USO1: variants seen among roughly 807,000 people sequenced by gnomAD.
USO1 encodes general vesicular transport factor p115.
In USO1, 57 loss-of-function variants were observed where a neutral mutation model predicts 124.5. The observed-to-expected ratio is 0.46, with a 90% CI of 0.37 to 0.57. The LOEUF is 0.57. Ranked by LOEUF, USO1 falls within the 20% of genes least tolerant of loss-of-function variation. The pLI is 0.00. For missense variants in USO1, 900 were observed against 1,040.6 expected (o/e 0.86, Z 1.86); for synonymous variants, 369 against 362.8 (o/e 1.02, Z -0.19).
In USO1 at chr4:75,773,389, C is replaced by T. The variant is rs149585032; in HGVS notation, c.556-1287C>T. Among the ~76,000 whole-genome samples, 581 of 151,978 alleles carry T rather than the reference C, an allele frequency of 3.8e-3. 5 individuals carry two copies. The highest frequency in any genetic ancestry group is 0.014 in the East Asian group (70 of 5,154). Reference sequence around the variant, plus strand: ...CTAAAATATACTAAGACCTTGAAAGCTAGTGGGTTCTATAGAACTTATTTT... The same window carrying T: ...CTAAAATATACTAAGACCTTGAAAGTTAGTGGGTTCTATAGAACTTATTTT... On this transcript the variant is annotated intron_variant, in intron 7 of 23. Transcript: ENST00000514213.
At position 75,810,567 on chromosome 4, in the gene USO1, C is replaced by T. The variant is rs760974526; in HGVS notation, c.2583+28C>T. ...TTGTTTTTGGTGCAACTTTTATTTA[C>T]TGCATATGATATGAAATGAACTCTA... On this transcript the variant is annotated intron_variant, in intron 22 of 23. Coordinates refer to ENST00000514213, the MANE Select transcript of USO1 (RefSeq NM_003715.4). The T allele has an allele frequency of 7.6e-6, 12 of 1,576,936 alleles. No homozygotes were observed. In the Admixed American group the frequency reaches 9.7e-5, roughly 13 times the overall value.
rs140484715 is a variant in USO1 at position 75,742,478 on chromosome 4, G to T, written c.67-9895G>T. On this transcript the variant is annotated intron_variant, in intron 1 of 23. Transcript: ENST00000514213. ...TTGGAGATTTGTTTCAAACAAATAG[G>T]CTGAGGCATTTGTTTCTTGTTAACA... Among the ~76,000 whole-genome samples the T allele has an allele frequency of 4.9e-4, 75 of 152,192 alleles. 2 individuals are homozygous for T. The East Asian group carries it at 0.011, about 22-fold the overall frequency.
intron 20 of USO1, among the ~76,000 whole-genome samples, chr4:75,808,704 T>C (rs1723059532): frequency 6.6e-6 from 1 of 151,336 alleles, no homozygotes; most frequent in Non-Finnish European, 1.5e-5. Context: ...CCTTCCTTTC[T>C]TTCTTCCTTC....
At chr4:75,780,838 G>C (rs1157157972) in intron 8 of USO1, among the ~76,000 whole-genome samples, 1 of 150,418 alleles carries the variant, frequency 6.6e-6, no homozygotes, top group Non-Finnish European at 1.5e-5. Flanking sequence ...TTAGAGACAG[G>C]GTTTCACCAT....
chr4:75,735,704 A>G (rs934133500), intron 1 of USO1, among the ~76,000 whole-genome samples: 5 of 152,030 alleles, frequency 3.3e-5, no homozygotes, highest in South Asian at 2.1e-4. Flanking sequence ...ATTTTCTTGT[A>G]GAGACAGGGT....
In USO1 at chr4:75,800,813, T is replaced by C; in HGVS notation, c.1864+14T>C. On this transcript the variant is annotated intron_variant, in intron 16 of 23. Coordinates refer to ENST00000514213, the MANE Select transcript of USO1 (RefSeq NM_003715.4). ...AAGAACTTGAAGGTAAGACTGAAGA[T>C]TTATATTGATATTTGATGGAAAGTA... 1 of 1,607,600 alleles carries C rather than the reference T, an allele frequency of 6.2e-7. No homozygotes were observed. Among genetic ancestry groups the C allele is most frequent in the African/African-American group, 1.3e-5 (1 of 74,770 alleles).
Position 75,796,341 on chromosome 4 carries a change from C to CTTTTTTTTT in USO1, c.1452+2444_1452+2452dup, listed in dbSNP as rs533041107. ...TAATCCCAGAAAGTTCCATCATGCT[C>CTTTTTTTTT]TTTTTTTTTTTTGAGACGGAGTCTC... On this transcript the variant is annotated intron_variant, in intron 13 of 23. Coordinates refer to ENST00000514213, the MANE Select transcript of USO1 (RefSeq NM_003715.4). 1.1e-3 allele frequency among the ~76,000 whole-genome samples: 117 copies of CTTTTTTTTT among 102,082 alleles called. 2 individuals are homozygous for CTTTTTTTTT. The highest frequency in any genetic ancestry group is 3.4e-3 in the African/African-American group (113 of 32,758). The allele number at this position is 102,082 out of a possible 152,430, so 67.0% of individuals were successfully genotyped here.
chr4:75,760,063 T>G (rs1721559996), intron 4 of USO1, among the ~76,000 whole-genome samples: 1 of 151,886 alleles, frequency 6.6e-6, no homozygotes, highest in Non-Finnish European at 1.5e-5. Flanking sequence ...AATACCAAAA[T>G]TAGCCGGGCG....
Position 75,731,728 on chromosome 4 carries a change from A to C in USO1, c.66+6843A>C, listed in dbSNP as rs191525296. Among the ~76,000 whole-genome samples the C allele has an allele frequency of 2.6e-5, 4 of 152,336 alleles. No homozygotes were observed. The East Asian group carries it at 7.7e-4, about 29-fold the overall frequency. The stretch of plus-strand genomic sequence containing the variant: ...AAATTTCAAGGTAAGATTATATCAT[A>C]AAATTAAATCAATATTAGGTGCTTG... On this transcript the variant is annotated intron_variant, in intron 1 of 23. Transcript: ENST00000514213.
chr4:75,763,469 A>T (rs1721679772), intron 4 of USO1, among the ~76,000 whole-genome samples: 1 of 152,164 alleles, frequency 6.6e-6, no homozygotes, highest in African/African-American at 2.4e-5. Context: ...TTCTGGGCAC[A>T]TTTAAAGTAG....
At chr4:75,777,569 G>A (rs1722106331) in intron 8 of USO1, among the ~76,000 whole-genome samples, 1 of 152,080 alleles carries the variant, frequency 6.6e-6, no homozygotes, top group African/African-American at 2.4e-5. Context: ...ATATACAGAT[G>A]GCAAATGACC....
chr4:75,812,014 A>T, intron 22 of USO1, 146 bp from the exon 23 acceptor site: 2 of 1,202,436 alleles, frequency 1.7e-6, no homozygotes, highest in Non-Finnish European at 2.3e-6. Context: ...TGTGTGTGTT[A>T]AACCTCCTGT....
At chr4:75,811,906 G>T (rs1194574957) in intron 22 of USO1, among the ~76,000 whole-genome samples, 1 of 151,948 alleles carries the variant, frequency 6.6e-6, no homozygotes, top group Non-Finnish European at 1.5e-5. Context: ...TCTCTTAAAG[G>T]TTTTTTCAGG....
intron 1 of USO1, among the ~76,000 whole-genome samples, chr4:75,751,937 ACTT>A (rs1356676841): frequency 1.6e-4 from 24 of 152,190 alleles, no homozygotes; most frequent in South Asian, 4.2e-4. Context: ...TAAAGTTTTG[ACTT>A]CTTCTTGTTC....
At chr4:75,774,567 T>C (rs978365725) in intron 7 of USO1, 109 bp from the exon 8 acceptor site, 2 of 1,307,344 alleles carry the variant, frequency 1.5e-6, no homozygotes, top group Admixed American at 5.5e-5. Flanking sequence ...AGTAAAGGAG[T>C]TGGGCTTGCA....
At chr4:75,807,623 A>G (rs1054108020) in intron 20 of USO1, among the ~76,000 whole-genome samples, 1 of 152,142 alleles carries the variant, frequency 6.6e-6, no homozygotes, top group African/African-American at 2.4e-5. Context: ...CAGGTCTCCA[A>G]TATTTGTTCA....
chr4:75,809,328 T>C (rs748500988), intron 21 of USO1, among the ~76,000 whole-genome samples: 1 of 152,196 alleles, frequency 6.6e-6, no homozygotes, highest in African/African-American at 2.4e-5. Context: ...TTTTCTGCTG[T>C]CATAAAATAT....
intron 8 of USO1, among the ~76,000 whole-genome samples, chr4:75,777,308 C>T (rs996711502): frequency 1.3e-5 from 2 of 151,892 alleles, no homozygotes; most frequent in African/African-American, 2.4e-5. Context: ...GATGCAATAC[C>T]AAAAGTGTGA....
chr4:75,765,287 C>CT (rs779590019), intron 4 of USO1, among the ~76,000 whole-genome samples: 1 of 152,006 alleles, frequency 6.6e-6, no homozygotes, highest in African/African-American at 2.4e-5. Flanking sequence ...CCAATGGGCC[C>CT]TTTTTGTATA....
Sources: gnomAD v4.1 joint callset for allele counts (sites outside exome capture counted in the v4.1 genomes callset) on GRCh38, gnomAD v4.1.1 for gene constraint, MANE v1.5 for transcripts, NCBI Gene and HGNC (gene_info 2026-07-23, HGNC 2026-07-21) for gene names.